PUS7: variants seen among roughly 807,000 people sequenced by gnomAD.
The protein encoded by PUS7 is pseudouridylate synthase 7 homolog.
PUS7 carries 48 observed loss-of-function variants against 79.8 expected under a neutral mutation model. The observed-to-expected ratio is 0.60, with a 90% CI of 0.48 to 0.76. The LOEUF (loss-of-function observed/expected upper bound fraction) is 0.76, where lower values mean the gene tolerates loss of function less well. Among genes scored for constraint, PUS7 ranks in the 30% least tolerant of loss-of-function variants. The pLI, the probability that PUS7 is intolerant of heterozygous loss-of-function variation, is 0.00. For missense variants in PUS7, 729 were observed against 797.6 expected (o/e 0.91, Z 1.04); for synonymous variants, 286 against 272.2 (o/e 1.05, Z -0.50).
At chr7:105,498,995 C>T (rs967015917) in intron 5 of PUS7, among the ~76,000 whole-genome samples, 9 of 152,072 alleles carry the variant, frequency 5.9e-5, no homozygotes, top group African/African-American at 2.2e-4. Context: ...ACCTATGTTC[C>T]CCTCTCCTTA....
chr7:105,508,079 A>C, intron 2 of PUS7, 36 bp downstream of exon 2: 1 of 1,568,154 alleles, frequency 6.4e-7, no homozygotes. Flanking sequence ...GAAACCTAAT[A>C]CAATCAAAAT....
chr7:105,466,784 TAA>T lies in PUS7; in HGVS notation c.1526-1372_1526-1371del, dbSNP rs1823660355. Among the ~76,000 whole-genome samples, 11 of 151,360 alleles carry T rather than the reference TAA, an allele frequency of 7.3e-5. No homozygotes were observed. In the South Asian group the frequency reaches 2.3e-3, roughly 32 times the overall value. Reference sequence around the variant, plus strand: ...TTAAAAAAAAAAACTGGAATGTACTTAAGAGGATGAAACACAGCGGCACCCAG... The same window carrying T: ...TTAAAAAAAAAAACTGGAATGTACTTGAGGATGAAACACAGCGGCACCCAG... On this transcript the variant is annotated intron_variant, in intron 12 of 15. Coordinates refer to ENST00000469408, the MANE Select transcript of PUS7 (RefSeq NM_019042.5).
intron 7 of PUS7, among the ~76,000 whole-genome samples, chr7:105,484,617 G>A (rs990641525): frequency 6.6e-6 from 1 of 151,004 alleles, no homozygotes; most frequent in East Asian, 2.0e-4. Context: ...TCAGGAATTC[G>A]AGACCAGCCT....
Position 105,508,281 on chromosome 7 carries a change from A to T in PUS7, c.232T>A (p.Leu78Met), listed in dbSNP as rs1435749554. 2.2e-5 allele frequency: 35 copies of T among 1,613,898 alleles called. No homozygotes were observed. The highest frequency in any genetic ancestry group is 2.7e-5 in the Non-Finnish European group (32 of 1,179,964). ...TCCTCCTCTTCTTCCTCATCTTCCA[A>T]CTGAGCCTCAGAATTCTTTCCACCT... Reference protein sequence around the residue: ...GKGGKNSEAQLEDEEEEEEDG... With the variant: ...GKGGKNSEAQMEDEEEEEEDG... The change falls in exon 2 of 16, where the codon TTG becomes ATG. Residue 78 changes from leucine to methionine, a missense_variant. By Grantham distance (15) the Leu-to-Met change is conservative. Coordinates refer to ENST00000469408, the MANE Select transcript of PUS7 (RefSeq NM_019042.5).
Position 105,502,457 on chromosome 7 carries a change from A to G in PUS7, c.693T>C (p.Ile231=). 1 of 1,614,150 alleles carries G rather than the reference A, an allele frequency of 6.2e-7. No individual in the cohort carries two copies. The change falls in exon 5 of 16, where the codon ATT becomes ATC. Residue 231 remains isoleucine (I), a synonymous_variant. Coordinates refer to ENST00000469408, the MANE Select transcript of PUS7 (RefSeq NM_019042.5). ...TTTTCCCAGCTGCGTGGTAGGCTACAATGTATTTCTTCCCCTCCCTATCCT... is the reference window on the plus strand; with the variant it reads ...TTTTCCCAGCTGCGTGGTAGGCTACGATGTATTTCTTCCCCTCCCTATCCT... ...KTEDREGKKY[I]VAYHAAGKKA... is the part of the protein sequence containing the mutation.
chr7:105,489,147 C>CAAAAAAAAAAAAAAAAAAAAA (rs762504334), intron 7 of PUS7, among the ~76,000 whole-genome samples: 2 of 33,710 alleles, frequency 5.9e-5, no homozygotes, highest in African/African-American at 9.3e-5. Context: ...AACTCCATCT[C>CAAAAAAAAAAAAAAAAAAAAA]AAAAAAAAAA....
chr7:105,497,737 G>A (rs753677921), intron 5 of PUS7, among the ~76,000 whole-genome samples: 1 of 152,126 alleles, frequency 6.6e-6, no homozygotes, highest in Non-Finnish European at 1.5e-5. Context: ...ATATTTATGA[G>A]TGAAAAGCCA....
intron 1 of PUS7, among the ~76,000 whole-genome samples, chr7:105,519,508 G>A (rs73190166): frequency 0.14 from 20,882 of 152,106 alleles, 1,861 homozygotes; most frequent in South Asian, 0.26. Flanking sequence ...GCCTCCCAGA[G>A]TGCTGGGATT....
intron 12 of PUS7, 44 bp downstream of exon 12, chr7:105,468,293 T>C (rs755849421): frequency 1.9e-6 from 3 of 1,592,864 alleles, no homozygotes; most frequent in Non-Finnish European, 2.6e-6. Flanking sequence ...GGCAACTAAC[T>C]GAACCCTAGC....
rs1823383027 is a variant in PUS7 at position 105,460,637 on chromosome 7, G to A, written c.1758-1378C>T. ...TGGGAGGCCGAGGCGGGCGGATCAC[G>A]AGGTCAGGAGATCGAGACCATCCTG... On this transcript the variant is annotated intron_variant, in intron 14 of 15. Coordinates refer to ENST00000469408, the MANE Select transcript of PUS7 (RefSeq NM_019042.5). Among the ~76,000 whole-genome samples the A allele has an allele frequency of 4.0e-5, 6 of 151,666 alleles. No individual in the cohort carries two copies. The South Asian group carries it at 1.0e-3, about 26-fold the overall frequency.
rs376767889 is a variant in PUS7 at position 105,495,238 on chromosome 7, G to T, written c.746C>A (p.Ser249Tyr). ...KKALANPRKH[S>Y]WPKSRGSYCH... ...GTAACTTCCCCTAGATTTTGGCCAA[G>T]AATGTTTTCTTGGATCTTGAAAGCA... The change falls in exon 6 of 16, where the codon TCT becomes TAT. Residue 249 changes from serine (S) to tyrosine (Y), a missense_variant. Ser to Tyr is a moderately radical substitution (Grantham distance 144). Transcript: ENST00000469408. 1 of 1,606,192 alleles carries T rather than the reference G, an allele frequency of 6.2e-7. No homozygotes were observed. The highest frequency in any genetic ancestry group is 8.5e-7 in the Non-Finnish European group (1 of 1,174,306).
At chr7:105,507,738 C>T (rs1309550857) in intron 2 of PUS7, among the ~76,000 whole-genome samples, 2 of 151,856 alleles carry the variant, frequency 1.3e-5, no homozygotes, top group South Asian at 2.1e-4. Flanking sequence ...GATGTGCTTT[C>T]ACCATGTTGG....
chr7:105,482,580 G>T, intron 7 of PUS7, 140 bp from the exon 8 acceptor site: 1 of 805,364 alleles, frequency 1.2e-6, no homozygotes, highest in Non-Finnish European at 1.9e-6. Context: ...CACTGCAGCA[G>T]GTGAGGTGGG....
intron 9 of PUS7, among the ~76,000 whole-genome samples, chr7:105,473,915 A>AGAAATT (rs1427600007): frequency 6.6e-6 from 1 of 152,240 alleles, no homozygotes; most frequent in Non-Finnish European, 1.5e-5. Flanking sequence ...TCAATCTCTA[A>AGAAATT]GAAATTAAGC....
chr7:105,467,768 C>T (rs1037063115), intron 12 of PUS7, among the ~76,000 whole-genome samples: 43 of 151,896 alleles, frequency 2.8e-4, no homozygotes, highest in Admixed American at 1.5e-3. Context: ...GTGGCTCACA[C>T]TTGTAATCCC....
At chr7:105,491,679 A>T (rs1223155630) in intron 6 of PUS7, 62 bp from the exon 7 acceptor site, 1 of 950,838 alleles carries the variant, frequency 1.1e-6, no homozygotes, top group Non-Finnish European at 1.6e-6. Flanking sequence ...GGAAATCCTA[A>T]TTCTCATAAT....
chr7:105,493,923 ACT>A (rs1347570040), intron 6 of PUS7, among the ~76,000 whole-genome samples: 3 of 152,248 alleles, frequency 2.0e-5, no homozygotes, highest in African/African-American at 4.8e-5. Context: ...AAATTAATAC[ACT>A]GTTTCCATAT....
chr7:105,468,648 G>A (rs1563356642), intron 11 of PUS7, among the ~76,000 whole-genome samples, 185 bp from the exon 12 acceptor site: 1 of 150,996 alleles, frequency 6.6e-6, no homozygotes, highest in Non-Finnish European at 1.5e-5. Context: ...CTACAGACTA[G>A]CTGGGATTAC....
intron 9 of PUS7, among the ~76,000 whole-genome samples, chr7:105,474,068 T>C (rs1475698412): frequency 6.6e-6 from 1 of 152,232 alleles, no homozygotes; most frequent in African/African-American, 2.4e-5. Flanking sequence ...ATTTCTCATC[T>C]TGGAGTCATG....
Sources: gnomAD v4.1 joint callset for allele counts (sites outside exome capture counted in the v4.1 genomes callset) on GRCh38, gnomAD v4.1.1 for gene constraint, MANE v1.5 for transcripts, NCBI Gene and HGNC (gene_info 2026-07-23, HGNC 2026-07-21) for gene names.